The following MARK4 variants were observed in gnomAD, a reference collection of about 807,000 sequenced individuals.
MARK4 encodes the protein microtubule affinity regulating kinase 4, also known as MAP/microtubule affinity-regulating kinase 4.
MARK4 carries 19 observed loss-of-function variants against 81.5 expected under a neutral mutation model. That is an observed-to-expected ratio of 0.23 (90% confidence interval 0.16 to 0.34). The LOEUF is 0.34. Among genes scored for constraint, MARK4 ranks in the 10% least tolerant of loss-of-function variants. The pLI is 1.00. For synonymous variants in MARK4, 436 were observed against 439.0 expected, an observed-to-expected ratio of 0.99 and a Z score of 0.08; for missense variants, 772 against 1,058.8, an observed-to-expected ratio of 0.73 and a Z score of 3.76.
At position 45,297,834 on chromosome 19, in the gene MARK4, G is replaced by A. The variant is rs1018372761; in HGVS notation, c.1757G>A (p.Gly586Asp). The A allele has an allele frequency of 3.2e-6, 5 of 1,545,842 alleles. No individual in the cohort carries two copies. In the South Asian group the frequency reaches 6.0e-5, roughly 18 times the overall value. Residue 586 changes from glycine to aspartate, a missense_variant, in exon 15 of 17, where the codon GGT (glycine) becomes GAT (aspartate). Physicochemically the swap from Gly to Asp is moderately conservative, Grantham distance 94. This residue lies in a region of MARK4 where 548 missense variants were observed against 624.3 expected (regional missense o/e 0.88). Coordinates refer to ENST00000262891, the MANE Select transcript of MARK4 (RefSeq NM_001199867.2). ...DRRAGGGGGG[G>D]VQNGPPASPT... ...CGGGCAGGGGGTGGGGGTGGTGGGG[G>A]TGTGCAGAATGGGCCCCCTGCCTCT...
chr19:45,280,148 A>G, intron 10 of MARK4: 1 of 466,590 alleles, frequency 2.1e-6, no homozygotes, highest in Non-Finnish European at 3.9e-6. Context: ...CAGGAGTTTC[A>G]AACCAGCCTG....
chr19:45,279,461 G>A (rs1367314195), intron 10 of MARK4, among the ~76,000 whole-genome samples: 1 of 152,174 alleles, frequency 6.6e-6, no homozygotes, highest in East Asian at 1.9e-4. Context: ...AGGTTGCAGT[G>A]AGCTGAGATT....
chr19:45,259,114 C>T lies in MARK4; in HGVS notation c.177C>T (p.Tyr59=), dbSNP rs749720998. The T allele has an allele frequency of 1.9e-6, 3 of 1,614,168 alleles. No homozygotes were observed. The highest frequency in any genetic ancestry group is 2.2e-5 in the East Asian group (1 of 44,884). ...CPEEQPHVGN[Y]RLLRTIGKGN... ...AGGAGCAGCCCCACGTGGGCAACTA[C>T]CGCCTGCTGAGGACCATTGGGAAGG... The change falls in exon 2 of 17, where the codon TAC becomes TAT. Residue 59 remains tyrosine, a synonymous_variant. Transcript: ENST00000262891.
At position 45,271,078 on chromosome 19, in the gene MARK4, G is replaced by A. The variant is rs1469165466; in HGVS notation, c.550-394G>A. ...AGCCACGGTGCCCAGCCCAATTTTT[G>A]TATTTTTAGTAGAGATGGGGATTCA... On this transcript the variant is annotated intron_variant, in intron 7 of 16. Transcript: ENST00000262891. The surrounding 1 kb of genome is among the most constrained non-coding windows in gnomAD (Gnocchi z 4.1). Among the ~76,000 whole-genome samples the A allele has an allele frequency of 1.3e-5, 2 of 152,054 alleles. No homozygotes were observed. The highest frequency in any genetic ancestry group is 2.9e-5 in the Non-Finnish European group (2 of 67,984).
chr19:45,294,535 A>G (rs772664564), intron 14 of MARK4, 83 bp downstream of exon 14: 8 of 1,224,686 alleles, frequency 6.5e-6, no homozygotes, highest in Non-Finnish European at 9.4e-6. Flanking sequence ...GATGATAGGC[A>G]TTGGAGGCTG....
Position 45,278,521 on chromosome 19 carries a change from C to T in MARK4, c.912C>T (p.Ile304=), listed in dbSNP as rs952034989. Reference sequence around the variant, plus strand: ...CCTGCTCCTGATGCCTGCAGCAAATCATGAAAGACAAATGGATCAACATCG... The same window carrying T: ...CCTGCTCCTGATGCCTGCAGCAAATTATGAAAGACAAATGGATCAACATCG... ...NPAKRCTLEQ[I]MKDKWINIGY... The change falls in exon 10 of 17, where the codon ATC becomes ATT. Residue 304 remains isoleucine (I), a synonymous_variant. Transcript: ENST00000262891. The T allele has an allele frequency of 3.7e-6, 6 of 1,613,834 alleles. No homozygotes were observed. The South Asian group carries it at 5.5e-5, about 15-fold the overall frequency.
At chr19:45,254,927 G>A (rs1238861288) in intron 1 of MARK4, among the ~76,000 whole-genome samples, 3 of 152,192 alleles carry the variant, frequency 2.0e-5, no homozygotes, top group Admixed American at 6.5e-5. Context: ...ATGACCCAGC[G>A]TGGTAGCTCA....
rs1470737084 is a variant in MARK4 at position 45,277,777 on chromosome 19, G to A, written c.787-146G>A. ...GTTTTGCTTACCTCGTCAAGGACTGGGACTCAGAGCTTCTGTCACTTCTAT... is the reference window on the plus strand; with the variant it reads ...GTTTTGCTTACCTCGTCAAGGACTGAGACTCAGAGCTTCTGTCACTTCTAT... On this transcript the variant is annotated intron_variant, in intron 8 of 16. Transcript: ENST00000262891. 3 of 922,904 alleles carry A rather than the reference G, an allele frequency of 3.3e-6. No individual in the cohort carries two copies. The Admixed American group carries it at 9.8e-5, about 30-fold the overall frequency. The allele number at this position is 922,904 out of a possible 1,614,324, so 57.2% of individuals were successfully genotyped here.
In MARK4 at chr19:45,280,607, C is replaced by T; in HGVS notation, c.1149C>T (p.Ala383=). 2.5e-6 allele frequency: 4 copies of T among 1,613,972 alleles called. No individual in the cohort carries two copies. Among genetic ancestry groups the T allele is most frequent in the Non-Finnish European group, 3.4e-6 (4 of 1,179,938 alleles). ...GGGACCGGGGCGCCCCAGGGCTGGCCCTGGCACGGGTGCGGGCGCCCAGCG... is the reference window on the plus strand; with the variant it reads ...GGGACCGGGGCGCCCCAGGGCTGGCTCTGGCACGGGTGCGGGCGCCCAGCG... ...EGGDRGAPGL[A]LARVRAPSDT... Residue 383 remains alanine (A), a synonymous_variant, in exon 12 of 17, where the codon GCC becomes GCT. Coordinates refer to ENST00000262891, the MANE Select transcript of MARK4 (RefSeq NM_001199867.2).
intron 1 of MARK4, among the ~76,000 whole-genome samples, chr19:45,257,173 G>C (rs1599776804): frequency 6.6e-6 from 1 of 151,726 alleles, no homozygotes; most frequent in East Asian, 1.9e-4. Context: ...CATTGCCCAG[G>C]CTGGTCTCAA....
At chr19:45,266,730 C>CTTTTT (rs35618045) in intron 7 of MARK4, among the ~76,000 whole-genome samples, 4 of 124,262 alleles carry the variant, frequency 3.2e-5, no homozygotes, top group African/African-American at 3.1e-5. Context: ...AATCTGAGAA[C>CTTTTT]TTTTTTTTTT....
chr19:45,278,166 G>A, intron 9 of MARK4, 124 bp downstream of exon 9: 1 of 1,396,780 alleles, frequency 7.2e-7, no homozygotes, highest in African/African-American at 1.4e-5. Flanking sequence ...CCGAAGATCT[G>A]CTGCTGGTGA....
chr19:45,277,878 G>A, intron 8 of MARK4, 45 bp from the exon 9 acceptor site: 1 of 1,576,916 alleles, frequency 6.3e-7, no homozygotes, highest in Non-Finnish European at 8.6e-7. Context: ...TGTAATAGGT[G>A]GGGGGCGGGG....
rs139899869 is a variant in MARK4 at position 45,273,242 on chromosome 19, C to A, written c.786+1534C>A. On this transcript the variant is annotated intron_variant, in intron 8 of 16. Coordinates refer to ENST00000262891, the MANE Select transcript of MARK4 (RefSeq NM_001199867.2). ...TGGTATGTTTCAGGAGCTTCACAATCGCTGGCCTGTGTCCACATTTGCTCT... is the reference window on the plus strand; with the variant it reads ...TGGTATGTTTCAGGAGCTTCACAATAGCTGGCCTGTGTCCACATTTGCTCT... Among the ~76,000 whole-genome samples the A allele has an allele frequency of 7.3e-3, 1,111 of 152,102 alleles. 21 individuals carry two copies. The highest frequency in any genetic ancestry group is 0.025 in the African/African-American group (1,046 of 41,512).
At chr19:45,267,760 A>C (rs1970474526) in intron 7 of MARK4, among the ~76,000 whole-genome samples, 1 of 152,170 alleles carries the variant, frequency 6.6e-6, no homozygotes, top group African/African-American at 2.4e-5. Flanking sequence ...TCTTGGGCTC[A>C]AATAGTTCTC....
Position 45,251,464 on chromosome 19 carries a change from G to T in MARK4, c.-125G>T, listed in dbSNP as rs865820917. 13 of 551,500 alleles carry T rather than the reference G, an allele frequency of 2.4e-5. No individual in the cohort carries two copies. Among genetic ancestry groups the T allele is most frequent in the Middle Eastern group, 9.8e-4 (2 of 2,044 alleles). 34.2% of individuals were successfully genotyped at this position (551,500 alleles called of 1,614,324 possible). A position where few individuals can be genotyped will look rare whatever the true frequency, so the allele number is the denominator to read the frequency against. On this transcript the variant is annotated 5_prime_UTR_variant, in exon 1 of 17. Transcript: ENST00000262891. ...CCCCTCTCCCGCCGCGCGGACCCGG[G>T]CGTTCTCGGCGCCCAGCTTTTGAGC...
rs573679851 is a variant in MARK4 at position 45,275,032 on chromosome 19, G to A, written c.787-2891G>A. Among the ~76,000 whole-genome samples the A allele has an allele frequency of 7.2e-5, 11 of 152,228 alleles. No individual in the cohort carries two copies. The East Asian group carries it at 1.5e-3, about 21-fold the overall frequency. On this transcript the variant is annotated intron_variant, in intron 8 of 16. Transcript: ENST00000262891. Reference sequence around the variant, plus strand: ...TCCCAGCACCTTGGGTGGCCGAGGCGGGCAGATCACTGGAGGTCAAGAGTT... The same window carrying A: ...TCCCAGCACCTTGGGTGGCCGAGGCAGGCAGATCACTGGAGGTCAAGAGTT...
At chr19:45,280,898 A>G (rs1970665571) in intron 12 of MARK4, among the ~76,000 whole-genome samples, 164 bp downstream of exon 12, 1 of 152,152 alleles carries the variant, frequency 6.6e-6, no homozygotes, top group African/African-American at 2.4e-5. Context: ...TGGAACTTGG[A>G]GGCAGGAATG....
At chr19:45,262,965 G>C (rs959510043) in intron 2 of MARK4, 148 bp from the exon 3 acceptor site, 1 of 827,888 alleles carries the variant, frequency 1.2e-6, no homozygotes, top group African/African-American at 1.7e-5. Context: ...GGGTTTCGTC[G>C]TGTTGACCAG....
Sources: gnomAD v4.1 joint callset for allele counts (sites outside exome capture counted in the v4.1 genomes callset) on GRCh38, gnomAD v4.1.1 for gene constraint, gnomAD v4.1.1 regional missense constraint, Gnocchi (gnomAD v3.1) non-coding constraint, MANE v1.5 for transcripts, NCBI Gene and HGNC (gene_info 2026-07-23, HGNC 2026-07-21) for gene names.